Variants in IL17RD observed in about 807,000 individuals in gnomAD.
IL17RD encodes the protein interleukin 17 receptor D, also known as interleukin-17 receptor D.
In IL17RD, 52 loss-of-function variants were observed where a neutral mutation model predicts 80.5. That is an observed-to-expected ratio of 0.65 (90% CI 0.52 to 0.81). IL17RD has a LOEUF of 0.81. Among genes scored for constraint, IL17RD ranks in the 40% least tolerant of loss-of-function variants. IL17RD has a pLI of 0.00. For synonymous variants in IL17RD, 416 were observed against 391.8 expected, an observed-to-expected ratio of 1.06 and a Z score of -0.73; for missense variants, 1,024 against 955.1, an observed-to-expected ratio of 1.07 and a Z score of -0.95.
Position 57,096,297 on chromosome 3 carries a change from C to A in IL17RD, c.*96G>T, listed in dbSNP as rs1278432388. 2.4e-6 allele frequency: 2 copies of A among 820,550 alleles called. No individual in the cohort carries two copies. The highest frequency in any genetic ancestry group is 2.2e-6 in the Non-Finnish European group (1 of 462,114). The allele number at this position is 820,550 out of a possible 1,614,324, so 50.8% of individuals were successfully genotyped here. On this transcript the variant is annotated 3_prime_UTR_variant, in exon 13 of 13. Coordinates refer to ENST00000296318, the MANE Select transcript of IL17RD (RefSeq NM_017563.5). ...TCACTCCAAATATCCTTGTATGAGA[C>A]CTCAGCTCCAAGTGGGCCATGCAAC...
intron 1 of IL17RD, among the ~76,000 whole-genome samples, chr3:57,128,725 TTTC>T (rs1707547041): frequency 6.6e-6 from 1 of 152,108 alleles, no homozygotes; most frequent in Non-Finnish European, 1.5e-5. Context: ...ACTTTATGAT[TTTC>T]TTATTGCTTT....
chr3:57,164,922 G>A lies in IL17RD; in HGVS notation c.126+239C>T, dbSNP rs1168474007. On this transcript the variant is annotated intron_variant, in intron 1 of 12. Coordinates refer to ENST00000296318, the MANE Select transcript of IL17RD (RefSeq NM_017563.5). ...CTGAATGGGACCCCGGCCGGCGGCC[G>A]CACCTCATTAGCAACACAAAGCCGG... is the stretch of plus-strand genomic sequence containing the variant. 1.9e-5 allele frequency: 24 copies of A among 1,262,716 alleles called. No individual in the cohort carries two copies. The Admixed American group carries it at 3.7e-4, about 19-fold the overall frequency. The allele number at this position is 1,262,716 out of a possible 1,614,324, so 78.2% of individuals were successfully genotyped here.
intron 1 of IL17RD, among the ~76,000 whole-genome samples, chr3:57,157,188 G>A: frequency 6.6e-6 from 1 of 152,270 alleles, no homozygotes; most frequent in African/African-American, 2.4e-5. Context: ...AAAAGCCAGA[G>A]TTCTAAGGTG....
At chr3:57,124,042 T>C (rs1285546267) in intron 1 of IL17RD, among the ~76,000 whole-genome samples, 2 of 152,094 alleles carry the variant, frequency 1.3e-5, no homozygotes, top group Non-Finnish European at 2.9e-5. Context: ...CAAAACTCCA[T>C]CTCAAACAAA....
chr3:57,169,710 A>G (rs975742667), upstream of IL17RD, among the ~76,000 whole-genome samples: 1 of 152,224 alleles, frequency 6.6e-6, no homozygotes, highest in South Asian at 2.1e-4. Flanking sequence ...TAATAAAGAC[A>G]TTAAAGGTAA....
chr3:57,150,300 C>T (rs945240673), intron 1 of IL17RD: 1 of 152,292 alleles, frequency 6.6e-6, no homozygotes, highest in Admixed American at 6.5e-5. Context: ...CTTTCCACCC[C>T]CCATTAGTTG....
At chr3:57,163,803 A>AGGGGGGGGGGGGGGGG (rs1401715931) in intron 1 of IL17RD, among the ~76,000 whole-genome samples, 3 of 5,554 alleles carry the variant, frequency 5.4e-4, no homozygotes, top group East Asian at 5.0e-3. Flanking sequence ...CGGGGGGGGA[A>AGGGGGGGGGGGGGGGG]GGGGGTGGCG....
At chr3:57,168,870 C>A (rs2060358593), upstream of IL17RD, among the ~76,000 whole-genome samples, 1 of 152,188 alleles carries the variant, frequency 6.6e-6, no homozygotes, top group Non-Finnish European at 1.5e-5. Context: ...GTGCCTGCCA[C>A]CATGCCTGGC....
At chr3:57,140,014 A>G (rs75204817) in intron 1 of IL17RD, among the ~76,000 whole-genome samples, 1 of 152,112 alleles carries the variant, frequency 6.6e-6, no homozygotes, top group Non-Finnish European at 1.5e-5. Flanking sequence ...AAAAAAAAAA[A>G]TCTGGCCCTG....
At chr3:57,127,413 T>TATATA (rs1491388109) in intron 1 of IL17RD, among the ~76,000 whole-genome samples, 6 of 66,074 alleles carry the variant, frequency 9.1e-5, no homozygotes, top group African/African-American at 3.0e-4. Flanking sequence ...TATATATATA[T>TATATA]TTTTTTTTTG....
intron 1 of IL17RD, among the ~76,000 whole-genome samples, chr3:57,151,665 G>C (rs2060223065): frequency 6.6e-6 from 1 of 152,112 alleles, no homozygotes; most frequent in South Asian, 2.1e-4. Flanking sequence ...GTAATTTTTT[G>C]TCATGGAGGA....
chr3:57,143,504 C>T (rs537039110), intron 1 of IL17RD, among the ~76,000 whole-genome samples: 1 of 152,342 alleles, frequency 6.6e-6, no homozygotes, highest in African/African-American at 2.4e-5. Context: ...CAGCCTCAGT[C>T]CCTGAAGGCT....
At chr3:57,105,552 A>AAATATATATATATATAT in intron 7 of IL17RD, among the ~76,000 whole-genome samples, 4 of 63,588 alleles carry the variant, frequency 6.3e-5, no homozygotes, top group Admixed American at 1.9e-4. Flanking sequence ...AAAAAAAAAA[A>AAATATATATATATATAT]ATATATATAT....
At chr3:57,164,181 G>A (rs1395328489) in intron 1 of IL17RD, among the ~76,000 whole-genome samples, 1 of 152,216 alleles carries the variant, frequency 6.6e-6, no homozygotes, top group Admixed American at 6.5e-5. Flanking sequence ...TGCTGCCTGA[G>A]TGCAAAGCCT....
At chr3:57,135,619 AT>A (rs1707708734) in intron 1 of IL17RD, among the ~76,000 whole-genome samples, 1 of 152,194 alleles carries the variant, frequency 6.6e-6, no homozygotes, top group Non-Finnish European at 1.5e-5. Flanking sequence ...AGATCCTAAT[AT>A]ATATAACATT....
At chr3:57,157,505 A>G (rs935708960) in intron 1 of IL17RD, among the ~76,000 whole-genome samples, 5 of 152,228 alleles carry the variant, frequency 3.3e-5, no homozygotes, top group African/African-American at 4.8e-5. Context: ...CTCACTCCAA[A>G]TAAGTCTTTT....
intron 1 of IL17RD, among the ~76,000 whole-genome samples, chr3:57,164,320 AGG>A (rs908427518): frequency 1.3e-5 from 2 of 152,132 alleles, no homozygotes; most frequent in African/African-American, 4.8e-5. Context: ...AAGCCCAGGT[AGG>A]GAGCAGGGAA....
At chr3:57,116,890 T>TAAAAAAAAA (rs35526728) in intron 2 of IL17RD, among the ~76,000 whole-genome samples, 1 of 136,386 alleles carries the variant, frequency 7.3e-6, no homozygotes, top group Non-Finnish European at 1.6e-5. Context: ...CCCAAAATAT[T>TAAAAAAAAA]AAAAAAAAAA....
At chr3:57,117,402 C>A (rs1239805961) in intron 2 of IL17RD, among the ~76,000 whole-genome samples, 1 of 152,190 alleles carries the variant, frequency 6.6e-6, no homozygotes, top group African/African-American at 2.4e-5. Context: ...GCATGAGCCA[C>A]TGTGCCCAGC....
Sources: allele counts gnomAD v4.1 joint callset (sites outside exome capture counted in the v4.1 genomes callset), GRCh38; gene constraint gnomAD v4.1.1; transcripts MANE v1.5; gene names NCBI Gene and HGNC (gene_info 2026-07-23, HGNC 2026-07-21).